ATP6V0A4: variants seen among roughly 807,000 people sequenced by gnomAD.
ATP6V0A4 encodes the protein V-type proton ATPase 116 kDa subunit a 4.
ATP6V0A4 carries 86 observed loss-of-function variants against 107.3 expected under a neutral mutation model. The ratio of observed to expected loss-of-function variants is 0.80; its 90% CI spans 0.67 to 0.96. The LOEUF is 0.96. Ranked by LOEUF, ATP6V0A4 falls within the 40% of genes least tolerant of loss-of-function variation. ATP6V0A4 has a pLI of 0.00. For missense variants in ATP6V0A4, 908 were observed against 1,045.6 expected, an observed-to-expected ratio of 0.87 and a Z score of 1.81; for synonymous variants, 353 against 381.4, an observed-to-expected ratio of 0.93 and a Z score of 0.87.
At chr7:138,745,966 T>A (rs1301780178) in intron 13 of ATP6V0A4, among the ~76,000 whole-genome samples, 14 of 40,304 alleles carry the variant, frequency 3.5e-4, no homozygotes, top group African/African-American at 5.0e-4. Context: ...AAAAAAAATA[T>A]ATATATATAT....
Position 138,768,699 on chromosome 7 carries a change from G to C in ATP6V0A4, c.291+81C>G, listed in dbSNP as rs190310033. The C allele has an allele frequency of 5.7e-5, 87 of 1,528,544 alleles. No homozygotes were observed. In the African/African-American group the frequency reaches 1.1e-3, roughly 19 times the overall value. 94.7% of individuals were successfully genotyped at this position (1,528,544 alleles called of 1,614,324 possible). A position where few individuals can be genotyped will look rare whatever the true frequency, so the allele number is the denominator to read the frequency against. On this transcript the variant is annotated intron_variant, in intron 5 of 21. Transcript: ENST00000310018. ...CTTCAAGCAAACAGGTACGGAATCT[G>C]CAAGTGGCTCTCAGGGCCTTCAAGG...
intron 8 of ATP6V0A4, among the ~76,000 whole-genome samples, chr7:138,758,777 G>A (rs1397614032): frequency 1.7e-5 from 1 of 58,192 alleles, no homozygotes; most frequent in East Asian, 5.7e-4. Context: ...TTTTGAGGGA[G>A]TCTTGCTCTG....
chr7:138,706,704 T>C lies in ATP6V0A4; in HGVS notation c.2443A>G (p.Asn815Asp), dbSNP rs1254437634. The change falls in exon 22 of 22, where the codon AAC (asparagine) becomes GAC (aspartate). Residue 815 changes from asparagine (N) to aspartate (D), a missense_variant. By Grantham distance (23) the Asn-to-Asp change is conservative. Coordinates refer to ENST00000310018, the MANE Select transcript of ATP6V0A4 (RefSeq NM_020632.3). The stretch of plus-strand genomic sequence containing the variant: ...TAACCATCCCCGACATAGAACTTGT[T>C]CTGGAACTCAACCCTGTTGTTGAGG... ...ALRLHWVEFQ[N>D]KFYVGDGYKF... 1.1e-5 allele frequency: 18 copies of C among 1,613,566 alleles called. No individual in the cohort carries two copies. The highest frequency in any genetic ancestry group is 1.5e-5 in the Non-Finnish European group (18 of 1,179,814).
At chr7:138,717,455 G>C (rs910722183) in intron 19 of ATP6V0A4, among the ~76,000 whole-genome samples, 34 of 152,174 alleles carry the variant, frequency 2.2e-4, no homozygotes, top group East Asian at 7.7e-4. Flanking sequence ...TGAGGCAGGA[G>C]AATCGCTTGA....
intron 15 of ATP6V0A4, 47 bp from the exon 16 acceptor site, chr7:138,734,301 A>C (rs200419423): frequency 9.5e-5 from 153 of 1,609,410 alleles, no homozygotes; most frequent in Non-Finnish European, 1.2e-4. Flanking sequence ...GAGTCTTAGA[A>C]GTTCTACTGG....
intron 14 of ATP6V0A4, among the ~76,000 whole-genome samples, chr7:138,742,613 C>T (rs927959796): frequency 6.6e-6 from 1 of 152,056 alleles, no homozygotes; most frequent in Non-Finnish European, 1.5e-5. Context: ...CAGCCTCAAC[C>T]TCCCAGGCTC....
rs374733428 is a variant in ATP6V0A4, at chr7:138,756,569, A to AGG, written c.640-31_640-30dup. The AGG allele has an allele frequency of 1.6e-5, 25 of 1,583,628 alleles. No homozygotes were observed. The Admixed American group carries it at 2.0e-4, about 13-fold the overall frequency. On this transcript the variant is annotated intron_variant, in intron 8 of 21. Coordinates refer to ENST00000310018, the MANE Select transcript of ATP6V0A4 (RefSeq NM_020632.3). ...GAAAATCAGAATAAGTTAAAAAAAA[A>AGG]GGGGGGGGTTTCTTTCTGGTTAAAA...
Position 138,706,862 on chromosome 7 carries a change from CTGATGG to C in ATP6V0A4, c.2430-151_2430-146del, listed in dbSNP as rs1328073924. On this transcript the variant is annotated intron_variant, in intron 21 of 21. Transcript: ENST00000310018. ...GGGTTGGCCACGGCAGGCACCCAGG[CTGATGG>C]CTGCCATGAGAATCCTGAGGATTTT... 122 of 1,234,304 alleles carry C rather than the reference CTGATGG, an allele frequency of 9.9e-5. No homozygotes were observed. The African/African-American group carries it at 1.8e-3, about 18-fold the overall frequency. The allele number at this position is 1,234,304 out of a possible 1,614,324, so 76.5% of individuals were successfully genotyped here. A position where few individuals can be genotyped will look rare whatever the true frequency, so the allele number is the denominator to read the frequency against.
At chr7:138,718,645 C>A (rs546296532) in intron 19 of ATP6V0A4, among the ~76,000 whole-genome samples, 13 of 64,668 alleles carry the variant, frequency 2.0e-4, no homozygotes, top group Non-Finnish European at 3.6e-4. Context: ...CGGATGTCTG[C>A]GGAGGGAGAC....
At chr7:138,713,954 T>C (rs780833490) in intron 20 of ATP6V0A4, among the ~76,000 whole-genome samples, 1 of 146,286 alleles carries the variant, frequency 6.8e-6, no homozygotes, top group Non-Finnish European at 1.5e-5. Flanking sequence ...AAAAAAAAAG[T>C]TCGCCAAGTA....
chr7:138,782,656 T>C (rs1175814126), intron 2 of ATP6V0A4, among the ~76,000 whole-genome samples: 4 of 152,250 alleles, frequency 2.6e-5, no homozygotes, highest in East Asian at 1.9e-4. Context: ...CATGGAGTGT[T>C]CATGAAGGGG....
chr7:138,706,905 T>C (rs113080371), intron 21 of ATP6V0A4, 188 bp from the exon 22 acceptor site: 16 of 574,944 alleles, frequency 2.8e-5, no homozygotes, highest in Non-Finnish European at 3.5e-5. Context: ...TTTTTTTTTT[T>C]TTTTTTGAGA....
At chr7:138,762,870 C>A (rs769087305) in intron 6 of ATP6V0A4, 30 bp downstream of exon 6, 1 of 1,611,090 alleles carries the variant, frequency 6.2e-7, no homozygotes, top group Non-Finnish European at 8.5e-7. Flanking sequence ...GAGGAACGGG[C>A]CCTTTAGTAA....
chr7:138,739,446 A>T, intron 15 of ATP6V0A4, 94 bp downstream of exon 15: 1 of 1,457,720 alleles, frequency 6.9e-7, no homozygotes, highest in South Asian at 1.2e-5. Flanking sequence ...AAGTTTGTTG[A>T]TTTGACAGGC....
chr7:138,788,935 C>T (rs1326008285), intron 1 of ATP6V0A4, among the ~76,000 whole-genome samples: 2 of 152,182 alleles, frequency 1.3e-5, no homozygotes, highest in Admixed American at 1.3e-4. Flanking sequence ...ACAAATTACC[C>T]AGCCTTGGAT....
chr7:138,759,810 C>T lies in ATP6V0A4; in HGVS notation c.581G>A (p.Arg194Gln), dbSNP rs1563006614. 2 of 1,614,112 alleles carry T rather than the reference C, an allele frequency of 1.2e-6. No individual in the cohort carries two copies. Among genetic ancestry groups the T allele is most frequent in the Non-Finnish European group, 1.7e-6 (2 of 1,180,034 alleles). Residue 194 changes from arginine (R) to glutamine (Q), a missense_variant, in exon 8 of 22, where the codon CGA (arginine) becomes CAA (glutamine). Arg to Gln is a conservative substitution (Grantham distance 43). Transcript: ENST00000310018. ...ACTGAACTTCAAGTACACGTTTCCTCGGCAGATTCGCCACAGTAACCGCTC... is the reference window on the plus strand; with the variant it reads ...ACTGAACTTCAAGTACACGTTTCCTTGGCAGATTCGCCACAGTAACCGCTC... ...SFERLLWRIC[R>Q]GNVYLKFSEM...
At chr7:138,797,700 GA>G (rs1193982927) in intron 1 of ATP6V0A4, among the ~76,000 whole-genome samples, 1 of 152,072 alleles carries the variant, frequency 6.6e-6, no homozygotes, top group African/African-American at 2.4e-5. Context: ...GGTGCTCAGT[GA>G]ATATTGGCCC....
intron 19 of ATP6V0A4, among the ~76,000 whole-genome samples, chr7:138,717,542 T>TA (rs1281003678): frequency 5.4e-5 from 8 of 149,390 alleles, no homozygotes; most frequent in Admixed American, 3.4e-4. Flanking sequence ...AGACTCTGTC[T>TA]AAAAAAAGAA....
rs200413192 is a variant in ATP6V0A4 at position 138,718,272 on chromosome 7, G to C, written c.2140-2391C>G. On this transcript the variant is annotated intron_variant, in intron 19 of 21. Transcript: ENST00000310018. Reference sequence around the variant, plus strand: ...TCTGCGGAGGGAGACGTCCAGGAAGGAATGGCGGTGTGTGTGTGTGTGTGT... The same window carrying C: ...TCTGCGGAGGGAGACGTCCAGGAAGCAATGGCGGTGTGTGTGTGTGTGTGT... 2.0e-4 allele frequency among the ~76,000 whole-genome samples: 11 copies of C among 54,346 alleles called. No individual in the cohort carries two copies. In the East Asian group the frequency reaches 4.1e-3, roughly 20 times the overall value. 35.7% of individuals were successfully genotyped at this position (54,346 alleles called of 152,430 possible).
Sources: gnomAD v4.1 joint callset for allele counts (sites outside exome capture counted in the v4.1 genomes callset) on GRCh38, gnomAD v4.1.1 for gene constraint, MANE v1.5 for transcripts, NCBI Gene and HGNC (gene_info 2026-07-23, HGNC 2026-07-21) for gene names.